VIPR2: variants seen among roughly 807,000 people sequenced by gnomAD.
VIPR2 encodes the protein vasoactive intestinal polypeptide receptor 2.
A neutral mutation model predicts 58.0 loss-of-function variants in VIPR2; 48 were observed. The ratio of observed to expected loss-of-function variants is 0.83; its 90% CI spans 0.66 to 1.05. The LOEUF (loss-of-function observed/expected upper bound fraction) is 1.05. Among genes scored for constraint, VIPR2 ranks in the 50% least tolerant of loss-of-function variants. The probability of loss-of-function intolerance (pLI) is 0.00; values close to 1 mark genes in which losing one functional copy is unlikely to be tolerated. For synonymous variants in VIPR2, 243 were observed against 235.2 expected (o/e 1.03, Z -0.30); for missense variants, 534 against 558.0 (o/e 0.96, Z 0.43).
chr7:159,034,580 C>T lies in VIPR2; in HGVS notation c.879+1G>A, dbSNP rs376298219. The stretch of plus-strand genomic sequence containing the variant: ...TCCACATGTCAACAGGGACTACTTA[C>T]GATGATGGAAATTAAAATCGGTATT... On this transcript the variant is annotated splice_donor_variant, in intron 9 of 12. Coordinates refer to ENST00000262178, the MANE Select transcript of VIPR2 (RefSeq NM_003382.5). LOFTEE classifies it high-confidence loss of function. The T allele has an allele frequency of 4.0e-5, 65 of 1,613,038 alleles. No homozygotes were observed. The highest frequency in any genetic ancestry group is 6.7e-5 in the Admixed American group (4 of 59,990).
intron 4 of VIPR2, among the ~76,000 whole-genome samples, chr7:159,081,184 A>G (rs962995976): frequency 3.3e-5 from 5 of 152,240 alleles, no homozygotes; most frequent in African/African-American, 1.2e-4. Context: ...AAAAGAACAA[A>G]GCTGGAGGCA....
intron 4 of VIPR2, among the ~76,000 whole-genome samples, chr7:159,070,292 G>A (rs1032527184): frequency 6.6e-6 from 1 of 151,816 alleles, no homozygotes; most frequent in African/African-American, 2.4e-5. Context: ...CTCCGCACAC[G>A]ACCCAGGGCC....
intron 6 of VIPR2, among the ~76,000 whole-genome samples, chr7:159,039,951 T>C (rs1357823061): frequency 6.6e-6 from 1 of 152,200 alleles, no homozygotes; most frequent in East Asian, 1.9e-4. Context: ...TGAGGGACCG[T>C]GTGCCGCCTG....
intron 1 of VIPR2, chr7:159,144,519 GC>G: frequency 6.6e-7 from 1 of 1,521,292 alleles, no homozygotes; most frequent in Non-Finnish European, 8.9e-7. Flanking sequence ...CCCGAGTCCC[GC>G]AACCCGGCGG....
intron 1 of VIPR2, chr7:159,144,499 A>T (rs1018616538): frequency 3.6e-5 from 56 of 1,537,454 alleles, no homozygotes; most frequent in Non-Finnish European, 4.8e-5. Context: ...GGGCGCAGGC[A>T]GCCTCCCAAC....
rs550070755 is a variant in VIPR2, at chr7:159,097,856, G to A, written c.357+5901C>T. 1.3e-5 allele frequency among the ~76,000 whole-genome samples: 2 copies of A among 152,306 alleles called. No homozygotes were observed. Among genetic ancestry groups the A allele is most frequent in the South Asian group, 2.1e-4 (1 of 4,820 alleles). On this transcript the variant is annotated intron_variant, in intron 4 of 12. Transcript: ENST00000262178. This position sits in a 1 kb window ranked among gnomAD's most constrained non-coding sequence, Gnocchi z 5.3. The stretch of plus-strand genomic sequence containing the variant: ...TCAGCCATCGGTGAGTGACAGCTGG[G>A]TGGGTTCTCAGGCCTGGACTGCTGA...
intron 5 of VIPR2, among the ~76,000 whole-genome samples, chr7:159,050,542 TTAAA>T (rs545012814): frequency 7.2e-4 from 108 of 150,278 alleles, no homozygotes; most frequent in African/African-American, 2.5e-3. Flanking sequence ...AAATTAAGAG[TTAAA>T]TAGAGGGGAC....
chr7:159,043,647 C>T (rs1854479205), intron 5 of VIPR2, among the ~76,000 whole-genome samples: 1 of 152,186 alleles, frequency 6.6e-6, no homozygotes, highest in Admixed American at 6.5e-5. Flanking sequence ...CTTTTCCACC[C>T]CACCCCAACA....
At chr7:159,088,818 G>A (rs968898772) in intron 4 of VIPR2, among the ~76,000 whole-genome samples, 3 of 151,924 alleles carry the variant, frequency 2.0e-5, no homozygotes, top group South Asian at 2.1e-4. Flanking sequence ...CTCAGGCCTC[G>A]GTTCCTCATC....
At chr7:159,092,458 T>G (rs1179680486) in intron 4 of VIPR2, among the ~76,000 whole-genome samples, 2 of 152,186 alleles carry the variant, frequency 1.3e-5, no homozygotes, top group Admixed American at 1.3e-4. Flanking sequence ...TGGGTTCTGG[T>G]CTGGCACTGC....
chr7:159,115,482 A>C (rs1796201462), intron 2 of VIPR2, among the ~76,000 whole-genome samples: 1 of 152,244 alleles, frequency 6.6e-6, no homozygotes, highest in Non-Finnish European at 1.5e-5. Flanking sequence ...TCCTCTTTCA[A>C]AACTTGGCAG....
intron 4 of VIPR2, among the ~76,000 whole-genome samples, chr7:159,077,133 A>G (rs1018943627): frequency 6.6e-6 from 1 of 152,274 alleles, no homozygotes; most frequent in African/African-American, 2.4e-5. Context: ...TCCAAGTTTA[A>G]TGAGATTAGA....
chr7:159,047,143 G>A (rs928774178), intron 5 of VIPR2, among the ~76,000 whole-genome samples: 3 of 152,172 alleles, frequency 2.0e-5, no homozygotes, highest in African/African-American at 2.4e-5. Flanking sequence ...GCTGAGGCAG[G>A]AGAATCGCTT....
At chr7:159,094,349 G>A (rs1472355852) in intron 4 of VIPR2, among the ~76,000 whole-genome samples, 1 of 152,228 alleles carries the variant, frequency 6.6e-6, no homozygotes, top group Non-Finnish European at 1.5e-5. Context: ...CAAGGCCCAA[G>A]GAAAGTTGAG....
chr7:159,058,403 G>A, intron 5 of VIPR2, 78 bp downstream of exon 5: 1 of 1,206,478 alleles, frequency 8.3e-7, no homozygotes, highest in South Asian at 1.2e-5. Flanking sequence ...GCTCCAGGCT[G>A]GGTGGCGCCT....
At chr7:159,054,760 T>G (rs1855207642) in intron 5 of VIPR2, among the ~76,000 whole-genome samples, 1 of 152,104 alleles carries the variant, frequency 6.6e-6, no homozygotes, top group Non-Finnish European at 1.5e-5. Context: ...CAGCATTCAT[T>G]TTTTAATAAA....
intron 5 of VIPR2, among the ~76,000 whole-genome samples, chr7:159,044,267 T>A (rs1367953420): frequency 6.6e-6 from 1 of 151,966 alleles, no homozygotes; most frequent in Non-Finnish European, 1.5e-5. Context: ...CAGCGACCAA[T>A]AAAGACCAAG....
At chr7:159,119,829 G>T (rs575956382) in intron 2 of VIPR2, among the ~76,000 whole-genome samples, 24 of 151,382 alleles carry the variant, frequency 1.6e-4, no homozygotes, top group Admixed American at 3.3e-4. Context: ...AGCCTGGTAG[G>T]TGGGGTCGGA....
intron 1 of VIPR2, 162 bp downstream of exon 1, chr7:159,144,559 G>A (rs767788012): frequency 6.9e-7 from 1 of 1,456,938 alleles, no homozygotes; most frequent in Non-Finnish European, 9.1e-7. Context: ...CACGCTCTCC[G>A]GGAGGAAGCT....
Sources: gnomAD v4.1 joint callset for allele counts (sites outside exome capture counted in the v4.1 genomes callset) on GRCh38, gnomAD v4.1.1 for gene constraint, Gnocchi (gnomAD v3.1) non-coding constraint, MANE v1.5 for transcripts, NCBI Gene and HGNC (gene_info 2026-07-23, HGNC 2026-07-21) for gene names.